Variants in OSBPL10 observed in about 807,000 individuals in gnomAD.
OSBPL10 encodes oxysterol binding protein like 10.
A neutral mutation model predicts 81.7 loss-of-function variants in OSBPL10; 49 were observed. That is an observed-to-expected ratio of 0.60 (90% confidence interval 0.48 to 0.76). OSBPL10 has a LOEUF of 0.76. OSBPL10 is among the 30% of genes least tolerant of loss of function. The pLI, the probability that OSBPL10 is intolerant of heterozygous loss-of-function variation, is 0.00. For missense variants in OSBPL10, 923 were observed against 987.8 expected (o/e 0.93, Z 0.88); for synonymous variants, 419 against 383.6 (o/e 1.09, Z -1.08).
chr3:31,687,893 A>AAATAATAAT (rs34327662), intron 7 of OSBPL10, among the ~76,000 whole-genome samples: 475 of 143,858 alleles, frequency 3.3e-3, no homozygotes, highest in Non-Finnish European at 4.2e-3. Flanking sequence ...CCATCACTAC[A>AAATAATAAT]AATAATAATA....
rs755917199 is a variant in OSBPL10, at chr3:31,668,833, A to G, written c.1914-9T>C. 1 of 1,590,276 alleles carries G rather than the reference A, an allele frequency of 6.3e-7. No individual in the cohort carries two copies. The highest frequency in any genetic ancestry group is 8.6e-7 in the Non-Finnish European group (1 of 1,165,452). On this transcript the variant is annotated splice_polypyrimidine_tract_variant and intron_variant, in intron 9 of 11. Transcript: ENST00000396556. ...TCACTTCTGCGGTAACCCTGAATTAATGAGTCAAATGAGTACACACTTTTC... is the reference window on the plus strand; with the variant it reads ...TCACTTCTGCGGTAACCCTGAATTAGTGAGTCAAATGAGTACACACTTTTC...
At chr3:31,770,740 C>T (rs1036977042) in intron 4 of OSBPL10, among the ~76,000 whole-genome samples, 2 of 151,934 alleles carry the variant, frequency 1.3e-5, no homozygotes, top group African/African-American at 2.4e-5. Context: ...GAACCAAGAT[C>T]GCGTCATTGC....
At chr3:31,803,238 C>T (rs1017428831) in intron 4 of OSBPL10, among the ~76,000 whole-genome samples, 3 of 152,246 alleles carry the variant, frequency 2.0e-5, no homozygotes, top group Non-Finnish European at 2.9e-5. Flanking sequence ...AGTTACAGCC[C>T]CCCTTCTCCC....
rs1036127245 is a variant in OSBPL10 at position 31,662,142 on chromosome 3, T to A, written c.2251-26A>T. On this transcript the variant is annotated intron_variant, in intron 11 of 11. Transcript: ENST00000396556. Reference sequence around the variant, plus strand: ...CTGCAAGAGAAGAAAGGAGGCATTATTACATGGAGACCTCTCAACAGGGAA... The same window carrying A: ...CTGCAAGAGAAGAAAGGAGGCATTAATACATGGAGACCTCTCAACAGGGAA... 1.9e-6 allele frequency: 3 copies of A among 1,613,776 alleles called. No individual in the cohort carries two copies. In the African/African-American group the frequency reaches 4.0e-5, roughly 22 times the overall value.
intron 4 of OSBPL10, among the ~76,000 whole-genome samples, chr3:31,762,819 A>AC (rs1422484636): frequency 1.3e-5 from 2 of 151,690 alleles, no homozygotes; most frequent in East Asian, 3.9e-4. Flanking sequence ...GAAAGAGTAA[A>AC]CCATTTGCCC....
At chr3:31,955,055 G>C (rs143140847) in intron 1 of OSBPL10, among the ~76,000 whole-genome samples, 2 of 152,348 alleles carry the variant, frequency 1.3e-5, no homozygotes, top group Admixed American at 1.3e-4. Flanking sequence ...TAGCCACATA[G>C]AAGGTAGATG....
chr3:31,813,414 T>C (rs1455848866), intron 4 of OSBPL10, among the ~76,000 whole-genome samples: 1 of 152,218 alleles, frequency 6.6e-6, no homozygotes, highest in Non-Finnish European at 1.5e-5. Flanking sequence ...GTTACTCACT[T>C]ATTAGCTCAT....
chr3:31,710,743 C>G (rs1315648876), intron 6 of OSBPL10: 1 of 152,244 alleles, frequency 6.6e-6, no homozygotes, highest in Non-Finnish European at 1.5e-5. Flanking sequence ...AACCTGCCAT[C>G]CACAGCTACT....
At chr3:32,037,329 C>T (rs73826058) in intron 2 of OSBPL10, among the ~76,000 whole-genome samples, 4 of 152,160 alleles carry the variant, frequency 2.6e-5, no homozygotes, top group African/African-American at 9.6e-5. Flanking sequence ...AGAATGAAAA[C>T]AGGAAAAAAG....
At position 32,054,261 on chromosome 3, in the gene OSBPL10, A is replaced by G. The variant is rs961499523; in HGVS notation, n.186-7658T>C. Reference sequence around the variant, plus strand: ...ATTATGTCTTTTTCTGATCTAATTAATCTTTTAGATATTAGGTCCCCTAAA... The same window carrying G: ...ATTATGTCTTTTTCTGATCTAATTAGTCTTTTAGATATTAGGTCCCCTAAA... On this transcript the variant is annotated intron_variant and non_coding_transcript_variant, in intron 1 of 3. Transcript: ENST00000479173. Among the ~76,000 whole-genome samples, 3 of 152,138 alleles carry G rather than the reference A, an allele frequency of 2.0e-5. No homozygotes were observed. The South Asian group carries it at 6.2e-4, about 31-fold the overall frequency.
chr3:31,847,516 C>T lies in OSBPL10; in HGVS notation c.538-17285G>A, dbSNP rs571228443. Reference sequence around the variant, plus strand: ...TTACTTCTCTCACTGTGGTAGCAAACCTTCTCTTGCCCTCCTCAGAGCTGT... The same window carrying T: ...TTACTTCTCTCACTGTGGTAGCAAATCTTCTCTTGCCCTCCTCAGAGCTGT... On this transcript the variant is annotated intron_variant, in intron 3 of 11. Coordinates refer to ENST00000396556, the MANE Select transcript of OSBPL10 (RefSeq NM_017784.5). 3.6e-4 allele frequency among the ~76,000 whole-genome samples: 55 copies of T among 152,222 alleles called. 1 individual carries two copies. The South Asian group carries it at 9.6e-3, about 26-fold the overall frequency.
Position 31,864,497 on chromosome 3 carries a change from C to A in OSBPL10, c.537+11936G>T, listed in dbSNP as rs189894306. Among the ~76,000 whole-genome samples the A allele has an allele frequency of 1.2e-3, 177 of 152,212 alleles. 1 individual carries two copies. The Middle Eastern group carries it at 0.02, about 18-fold the overall frequency. ...TCACATGATCCACCTGCCTCAGCCT[C>A]CCAAAGTGCTAGGATTACAGGAGTG... On this transcript the variant is annotated intron_variant, in intron 3 of 11. Transcript: ENST00000396556.
chr3:32,071,001 C>T (rs1280296895), intron 1 of OSBPL10, among the ~76,000 whole-genome samples: 1 of 152,200 alleles, frequency 6.6e-6, no homozygotes, highest in African/African-American at 2.4e-5. Context: ...GATTTACTTT[C>T]TTTCCACTCC....
At chr3:31,795,302 G>A (rs1300955390) in intron 4 of OSBPL10, among the ~76,000 whole-genome samples, 1 of 151,882 alleles carries the variant, frequency 6.6e-6, no homozygotes, top group Non-Finnish European at 1.5e-5. Context: ...CTGCCACCAG[G>A]CCTGGCTAAT....
chr3:31,720,487 A>G (rs1696599636), intron 6 of OSBPL10, among the ~76,000 whole-genome samples: 1 of 152,210 alleles, frequency 6.6e-6, no homozygotes, highest in African/African-American at 2.4e-5. Context: ...CAACAGGAGC[A>G]ATAGAACAAC....
At chr3:31,895,070 A>G (rs1213002137) in intron 1 of OSBPL10, among the ~76,000 whole-genome samples, 3 of 151,750 alleles carry the variant, frequency 2.0e-5, no homozygotes, top group Non-Finnish European at 4.4e-5. Context: ...AACCCGGAAA[A>G]GCTACCTCCA....
intron 6 of OSBPL10, among the ~76,000 whole-genome samples, chr3:31,716,002 G>A (rs1174585589): frequency 2.6e-5 from 4 of 152,168 alleles, no homozygotes; most frequent in African/African-American, 9.7e-5. Flanking sequence ...AGGGACAGCA[G>A]AAAACATGTA....
At chr3:31,667,494 C>T (rs1700221556) in intron 10 of OSBPL10, among the ~76,000 whole-genome samples, 1 of 152,232 alleles carries the variant, frequency 6.6e-6, no homozygotes, top group South Asian at 2.1e-4. Flanking sequence ...GGTATCCCTG[C>T]TTTGTTTCCA....
intron 6 of OSBPL10, among the ~76,000 whole-genome samples, chr3:31,706,186 A>G (rs1696057693): frequency 6.6e-6 from 1 of 152,210 alleles, no homozygotes; most frequent in Non-Finnish European, 1.5e-5. Flanking sequence ...ATGGGCAGGA[A>G]AAAGCTTCAC....
Sources: gnomAD v4.1 joint callset for allele counts (sites outside exome capture counted in the v4.1 genomes callset) on GRCh38, gnomAD v4.1.1 for gene constraint, MANE v1.5 for transcripts, NCBI Gene and HGNC (gene_info 2026-07-23, HGNC 2026-07-21) for gene names.